PLPPR1: variants seen among roughly 807,000 people sequenced by gnomAD.
PLPPR1 encodes phospholipid phosphatase related 1.
Under a neutral mutation model 33.1 loss-of-function variants are expected in PLPPR1, and 10 were observed. The ratio of observed to expected loss-of-function variants is 0.30; its 90% confidence interval spans 0.19 to 0.51. PLPPR1 has a LOEUF of 0.51. PLPPR1 is among the 20% of genes least tolerant of loss of function. The pLI, the probability that PLPPR1 is intolerant of heterozygous loss-of-function variation, is 0.97. For synonymous variants in PLPPR1, 151 were observed against 151.0 expected (o/e 1.00, Z 0.00); for missense variants, 304 against 408.1 (o/e 0.74, Z 2.20).
chr9:101,319,381 T>C (rs148485131), intron 7 of PLPPR1, among the ~76,000 whole-genome samples: 36 of 152,368 alleles, frequency 2.4e-4, no homozygotes, highest in Non-Finnish European at 5.0e-4. Flanking sequence ...TTTTGCCATG[T>C]TGGCCAGGCT....
chr9:101,223,791 A>G (rs1453850726), intron 2 of PLPPR1, among the ~76,000 whole-genome samples: 2 of 152,114 alleles, frequency 1.3e-5, no homozygotes, highest in East Asian at 3.9e-4. Flanking sequence ...TCTTTTCTTT[A>G]TAAATTACCC....
chr9:101,159,479 A>G (rs979699782), intron 1 of PLPPR1, among the ~76,000 whole-genome samples: 2 of 152,210 alleles, frequency 1.3e-5, no homozygotes, highest in Non-Finnish European at 1.5e-5. Context: ...CAAAGAAATG[A>G]TTGAAATGTT....
intron 4 of PLPPR1, among the ~76,000 whole-genome samples, chr9:101,288,536 C>A (rs1336670309): frequency 6.6e-6 from 1 of 151,814 alleles, no homozygotes; most frequent in East Asian, 1.9e-4. Context: ...CATTGAAAGG[C>A]AAAGGGGATT....
rs115721560 is a variant in PLPPR1 at position 101,112,532 on chromosome 9, A to C, written c.-45-72918A>C. On this transcript the variant is annotated intron_variant, in intron 1 of 7. Coordinates refer to ENST00000374874, the MANE Select transcript of PLPPR1 (RefSeq NM_207299.2). ...TTTCAGATGGTTTAATACAGAAGCT[A>C]TCTCTTCCTGCATTTAATCATTGTC... Among the ~76,000 whole-genome samples the C allele has an allele frequency of 4.4e-3, 667 of 152,312 alleles. 10 individuals carry two copies. The highest frequency in any genetic ancestry group is 0.015 in the African/African-American group (636 of 41,570).
At chr9:101,078,105 A>AAGGAGAAGGAGAAGGAGAAGGAGAAGG (rs1491245491) in intron 1 of PLPPR1, among the ~76,000 whole-genome samples, 36 of 2,408 alleles carry the variant, frequency 0.015, 10 homozygotes, top group African/African-American at 0.051. Context: ...GGAGAAGGAG[A>AAGGAGAAGGAGAAGGAGAAGGAGAAGG]AGAAGAAGAA....
At chr9:101,292,236 A>C (rs747816115) in intron 4 of PLPPR1, among the ~76,000 whole-genome samples, 9 of 152,202 alleles carry the variant, frequency 5.9e-5, no homozygotes, top group Non-Finnish European at 1.2e-4. Context: ...AGGAAAATTT[A>C]GAGAAAAAAG....
rs530721540 is a variant in PLPPR1, at chr9:101,283,300, T to C, written c.253-2804T>C. ...AAGGCTATTAGTAACCAAAACAACA[T>C]GCTATTGGCATATAAAGAAAGACCA... On this transcript the variant is annotated intron_variant, in intron 3 of 7. Transcript: ENST00000374874. Among the ~76,000 whole-genome samples the C allele has an allele frequency of 7.2e-5, 11 of 152,230 alleles. 1 individual carries two copies. The South Asian group carries it at 2.1e-3, about 29-fold the overall frequency.
intron 2 of PLPPR1, among the ~76,000 whole-genome samples, chr9:101,194,469 A>T (rs186328927): frequency 1.3e-5 from 2 of 152,170 alleles, no homozygotes; most frequent in Non-Finnish European, 2.9e-5. Flanking sequence ...CAAAATGCTG[A>T]CCGGGCGTGG....
intron 2 of PLPPR1, among the ~76,000 whole-genome samples, chr9:101,259,507 G>A (rs899511657): frequency 7.2e-5 from 11 of 152,172 alleles, no homozygotes; most frequent in Admixed American, 1.3e-4. Context: ...CAAGATCAAA[G>A]AGCCAGCAGA....
chr9:101,030,556 T>C (rs905260776), intron 1 of PLPPR1, among the ~76,000 whole-genome samples: 1 of 151,746 alleles, frequency 6.6e-6, no homozygotes, highest in Non-Finnish European at 1.5e-5. Flanking sequence ...CATCTTGACG[T>C]GTTGGTTGTA....
At chr9:101,298,449 C>T (rs1463670347) in intron 4 of PLPPR1, among the ~76,000 whole-genome samples, 1 of 152,096 alleles carries the variant, frequency 6.6e-6, no homozygotes, top group African/African-American at 2.4e-5. Flanking sequence ...TTTCAAAGGT[C>T]ATGGCGTTTT....
At chr9:101,264,375 C>T (rs1213059342) in intron 2 of PLPPR1, among the ~76,000 whole-genome samples, 1 of 152,148 alleles carries the variant, frequency 6.6e-6, no homozygotes, top group Admixed American at 6.5e-5. Flanking sequence ...AGACACCACA[C>T]AGCCCTCTCC....
At chr9:101,311,304 A>G (rs1311485758) in intron 5 of PLPPR1, among the ~76,000 whole-genome samples, 1 of 152,216 alleles carries the variant, frequency 6.6e-6, no homozygotes, top group Non-Finnish European at 1.5e-5. Flanking sequence ...AATTCAAATC[A>G]TGCCTCACAG....
intron 1 of PLPPR1, among the ~76,000 whole-genome samples, chr9:101,166,385 T>TGTTTAATATC (rs1486149798): frequency 6.6e-6 from 1 of 152,218 alleles, no homozygotes; most frequent in Admixed American, 6.5e-5. Context: ...TGTAATGACT[T>TGTTTAATATC]GTTTAATATC....
rs570458745 is a variant in PLPPR1, at chr9:101,303,100, C to T, written c.386-6111C>T. 5.1e-3 allele frequency among the ~76,000 whole-genome samples: 747 copies of T among 145,874 alleles called. 7 individuals are homozygous for T. Among genetic ancestry groups the T allele is most frequent in the African/African-American group, 0.018 (699 of 39,526 alleles). On this transcript the variant is annotated intron_variant, in intron 4 of 7. Coordinates refer to ENST00000374874, the MANE Select transcript of PLPPR1 (RefSeq NM_207299.2). Reference sequence around the variant, plus strand: ...CTCCCACGTTCAAGCGATTCTCCTGCCTCAGCCTCCTGAGTAGCTGGGATT... The same window carrying T: ...CTCCCACGTTCAAGCGATTCTCCTGTCTCAGCCTCCTGAGTAGCTGGGATT...
chr9:101,034,587 T>C (rs774658536), intron 1 of PLPPR1, among the ~76,000 whole-genome samples: 94 of 152,328 alleles, frequency 6.2e-4, no homozygotes, highest in Non-Finnish European at 1.2e-3. Flanking sequence ...TGTGCGACTT[T>C]GGGCACACAG....
intron 3 of PLPPR1, among the ~76,000 whole-genome samples, chr9:101,282,379 A>T (rs1161244553): frequency 6.6e-6 from 1 of 152,172 alleles, no homozygotes; most frequent in Non-Finnish European, 1.5e-5. Context: ...GATTTAAAAA[A>T]CCCTCAACAA....
At chr9:101,207,907 AAAGC>A (rs1826619583) in intron 2 of PLPPR1, among the ~76,000 whole-genome samples, 1 of 152,164 alleles carries the variant, frequency 6.6e-6, no homozygotes, top group Non-Finnish European at 1.5e-5. Context: ...TCTCAAATGA[AAAGC>A]TAGAGGTCCT....
At chr9:101,164,378 T>TC (rs1238041602) in intron 1 of PLPPR1, among the ~76,000 whole-genome samples, 2 of 150,964 alleles carry the variant, frequency 1.3e-5, no homozygotes, top group South Asian at 2.1e-4. Context: ...TTTTTTTTTT[T>TC]CTGAGACAGT....
Sources: gnomAD v4.1 joint callset for allele counts (sites outside exome capture counted in the v4.1 genomes callset) on GRCh38, gnomAD v4.1.1 for gene constraint, MANE v1.5 for transcripts, NCBI Gene and HGNC (gene_info 2026-07-23, HGNC 2026-07-21) for gene names.